Variants in SDK2 observed in about 807,000 individuals in gnomAD.
SDK2 encodes the protein protein sidekick-2.
Under a neutral mutation model 253.9 loss-of-function variants are expected in SDK2, and 105 were observed. The observed-to-expected ratio is 0.41, with a 90% confidence interval of 0.35 to 0.49. The LOEUF is 0.49. Among genes scored for constraint, SDK2 ranks in the 20% least tolerant of loss-of-function variants. SDK2 has a pLI of 0.06. For missense variants in SDK2, 2,608 were observed against 3,003.0 expected (o/e 0.87, Z 3.07); for synonymous variants, 1,249 against 1,234.9 (o/e 1.01, Z -0.24).
At position 73,436,576 on chromosome 17, in the gene SDK2, C is replaced by CA. The variant is rs56089526; in HGVS notation, c.1001-933dup. ...TGGGCAACAGAGTGAGACTCAGTCT[C>CA]AAAAAAAAAAAAAAAAAAAAAAAAA... On this transcript the variant is annotated intron_variant, in intron 8 of 44. Transcript: ENST00000392650. Among the ~76,000 whole-genome samples the CA allele has an allele frequency of 8.5e-3, 327 of 38,680 alleles. 14 individuals carry two copies. Among genetic ancestry groups the CA allele is most frequent in the African/African-American group, 0.016 (156 of 9,614 alleles). 25.4% of individuals were successfully genotyped at this position (38,680 alleles called of 152,430 possible).
intron 1 of SDK2, among the ~76,000 whole-genome samples, chr17:73,611,356 G>T (rs1453460964): frequency 6.6e-6 from 1 of 152,228 alleles, no homozygotes; most frequent in Non-Finnish European, 1.5e-5. Flanking sequence ...CTCTGGCAGG[G>T]TCAGGGACTG....
chr17:73,605,320 A>T (rs1288364426), intron 1 of SDK2, among the ~76,000 whole-genome samples: 1 of 152,028 alleles, frequency 6.6e-6, no homozygotes, highest in Non-Finnish European at 1.5e-5. Context: ...GAGAGAGAGG[A>T]TGGAGGTCCA....
At chr17:73,621,255 C>T (rs1463634727) in intron 1 of SDK2, among the ~76,000 whole-genome samples, 1 of 152,220 alleles carries the variant, frequency 6.6e-6, no homozygotes, top group Non-Finnish European at 1.5e-5. Flanking sequence ...GAGATTTGAG[C>T]TACTGCCCCA....
Position 73,534,577 on chromosome 17 carries a change from C to T in SDK2, c.65-26980G>A, listed in dbSNP as rs901037569. ...GATGGGAAGATGCACAGAGGCAGAG[C>T]GCGAGACCAGCAAGGCAGCAGGGAA... On this transcript the variant is annotated intron_variant, in intron 1 of 44. Coordinates refer to ENST00000392650, the MANE Select transcript of SDK2 (RefSeq NM_001144952.2). This position sits in a 1 kb window ranked among gnomAD's most constrained non-coding sequence, Gnocchi z 4.9. Among the ~76,000 whole-genome samples the T allele has an allele frequency of 9.9e-5, 15 of 152,046 alleles. No homozygotes were observed. The highest frequency in any genetic ancestry group is 2.7e-4 in the African/African-American group (11 of 41,396).
intron 1 of SDK2, among the ~76,000 whole-genome samples, chr17:73,529,400 G>A (rs1038546794): frequency 3.9e-5 from 6 of 152,152 alleles, no homozygotes; most frequent in African/African-American, 1.4e-4. Context: ...AGAGTGGAAT[G>A]ATTATTAAAC....
intron 36 of SDK2, among the ~76,000 whole-genome samples, chr17:73,372,892 G>T (rs1214253292): frequency 1.3e-5 from 2 of 152,108 alleles, no homozygotes; most frequent in African/African-American, 4.8e-5. Context: ...ATCTTTTTGT[G>T]GTGAGAACCT....
At chr17:73,579,900 C>T (rs529121875) in intron 1 of SDK2, among the ~76,000 whole-genome samples, 52 of 151,912 alleles carry the variant, frequency 3.4e-4, no homozygotes, top group Non-Finnish European at 6.6e-4. Flanking sequence ...ACTGCTTGGA[C>T]CTGGGAGGTG....
chr17:73,628,403 C>G (rs147755676), intron 1 of SDK2, among the ~76,000 whole-genome samples: 1 of 152,210 alleles, frequency 6.6e-6, no homozygotes, highest in Non-Finnish European at 1.5e-5. Flanking sequence ...TCCTCCTAGA[C>G]GCCTGAGAGG....
chr17:73,640,459 A>C (rs1404135322), intron 1 of SDK2, among the ~76,000 whole-genome samples: 1 of 152,118 alleles, frequency 6.6e-6, no homozygotes. Flanking sequence ...CAAGGGGTAC[A>C]AAGGGTGAGG....
At chr17:73,545,444 G>A (rs914218663) in intron 1 of SDK2, among the ~76,000 whole-genome samples, 6 of 152,106 alleles carry the variant, frequency 3.9e-5, no homozygotes, top group Admixed American at 1.3e-4. Flanking sequence ...GAGAGACACC[G>A]GTGGTAGGGG....
At chr17:73,367,059 A>G (rs925810648) in intron 37 of SDK2, among the ~76,000 whole-genome samples, 7 of 152,172 alleles carry the variant, frequency 4.6e-5, no homozygotes, top group Non-Finnish European at 1.0e-4. Flanking sequence ...GCTGGAGTGC[A>G]GTGGTACAAT....
chr17:73,471,507 G>A (rs1364411916), intron 3 of SDK2, among the ~76,000 whole-genome samples: 1 of 152,208 alleles, frequency 6.6e-6, no homozygotes, highest in African/African-American at 2.4e-5. Flanking sequence ...GCTGAAGCAG[G>A]AGAATCACTT....
In SDK2 at chr17:73,402,063, C is replaced by A. The variant is rs752790641; in HGVS notation, c.2563G>T (p.Val855Leu). 3.1e-6 allele frequency: 5 copies of A among 1,613,936 alleles called. No individual in the cohort carries two copies. In the East Asian group the frequency reaches 8.9e-5, roughly 29 times the overall value. Residue 855 changes from valine to leucine, a missense_variant, in exon 19 of 45, where the codon GTG (valine) becomes TTG (leucine). This residue lies in a region of SDK2 where 1,505 missense variants were observed against 1,859.1 expected (regional missense o/e 0.81). Transcript: ENST00000392650. ...TTCTTCAGGCCAGACACGAAGCCCA[C>A]GTGGATGCTGTCTTGAAAGTTAGGC... ...ARPNFQDSIH[V>L]GFVSGLKKFT...
intron 1 of SDK2, among the ~76,000 whole-genome samples, chr17:73,530,159 C>T (rs1312697712): frequency 6.6e-6 from 1 of 152,188 alleles, no homozygotes; most frequent in African/African-American, 2.4e-5. Flanking sequence ...ATGACAGTCC[C>T]CTCCTGCATT....
intron 37 of SDK2, among the ~76,000 whole-genome samples, chr17:73,366,829 G>A (rs1404501398): frequency 6.6e-6 from 1 of 151,802 alleles, no homozygotes; most frequent in Non-Finnish European, 1.5e-5. Context: ...TCTCACCAGC[G>A]CCCTCTCCTC....
rs114008362 is a variant in SDK2 at position 73,344,545 on chromosome 17, A to G, written c.6165+4054T>C. ...ATACTGCCTCACTTCTGTGAACCTC[A>G]GTTTCCCCAGCTGTTAAATGGGGAT... On this transcript the variant is annotated intron_variant, in intron 44 of 44. Coordinates refer to ENST00000392650, the MANE Select transcript of SDK2 (RefSeq NM_001144952.2). Among the ~76,000 whole-genome samples, 729 of 152,334 alleles carry G rather than the reference A, an allele frequency of 4.8e-3. 7 individuals carry two copies. The highest frequency in any genetic ancestry group is 0.017 in the African/African-American group (691 of 41,576).
intron 1 of SDK2, among the ~76,000 whole-genome samples, chr17:73,513,059 G>A (rs967558352): frequency 5.3e-5 from 8 of 151,396 alleles, no homozygotes; most frequent in Admixed American, 5.3e-4. Context: ...CAATGTACTC[G>A]CCAAGTACTT....
rs116911239 is a variant in SDK2 at position 73,533,945 on chromosome 17, C to T, written c.65-26348G>A. 6.6e-3 allele frequency among the ~76,000 whole-genome samples: 1,005 copies of T among 152,220 alleles called. 4 individuals are homozygous for T. Among genetic ancestry groups the T allele is most frequent in the Non-Finnish European group, 0.011 (728 of 67,990 alleles). On this transcript the variant is annotated intron_variant, in intron 1 of 44. Coordinates refer to ENST00000392650, the MANE Select transcript of SDK2 (RefSeq NM_001144952.2). ...CTAATTAGCTGGTGCTGAAATTCAT[C>T]ACTTTCCAAACACAATGCGGCAGCA...
chr17:73,628,476 C>T (rs1265430686), intron 1 of SDK2, among the ~76,000 whole-genome samples: 5 of 152,236 alleles, frequency 3.3e-5, no homozygotes, highest in African/African-American at 1.2e-4. Flanking sequence ...GGCTCAGTCA[C>T]TGTGAGCTTT....
Sources: gnomAD v4.1 joint callset for allele counts (sites outside exome capture counted in the v4.1 genomes callset) on GRCh38, gnomAD v4.1.1 for gene constraint, gnomAD v4.1.1 regional missense constraint, Gnocchi (gnomAD v3.1) non-coding constraint, MANE v1.5 for transcripts, NCBI Gene and HGNC (gene_info 2026-07-23, HGNC 2026-07-21) for gene names.